The following FGFR3 variants were observed in gnomAD, a reference collection of about 807,000 sequenced individuals.
FGFR3 encodes fibroblast growth factor receptor 3.
A neutral mutation model predicts 82.9 loss-of-function variants in FGFR3; 25 were observed. That is an observed-to-expected ratio of 0.30 (90% CI 0.22 to 0.42). FGFR3 has a LOEUF of 0.42. FGFR3 is among the 10% of genes least tolerant of loss of function. The pLI is 1.00. For missense variants in FGFR3, 1,026 were observed against 1,161.0 expected, an observed-to-expected ratio of 0.88 and a Z score of 1.69; for synonymous variants, 620 against 516.0, an observed-to-expected ratio of 1.20 and a Z score of -2.73.
chr4:1,799,031 C>CA (rs1359313257), intron 2 of FGFR3, among the ~76,000 whole-genome samples: 5 of 152,174 alleles, frequency 3.3e-5, no homozygotes, highest in African/African-American at 1.2e-4. Flanking sequence ...AGGCGGCTGT[C>CA]ACACCGAGGC....
chr4:1,807,486 C>T lies in FGFR3; in HGVS notation c.*224C>T, dbSNP rs749058497. 2.0e-5 allele frequency: 15 copies of T among 737,826 alleles called. No individual in the cohort carries two copies. The highest frequency in any genetic ancestry group is 1.6e-4 in the East Asian group (6 of 37,330). 45.7% of individuals were successfully genotyped at this position (737,826 alleles called of 1,614,324 possible). On this transcript the variant is annotated 3_prime_UTR_variant, in exon 18 of 18. Transcript: ENST00000440486. ...GGTGCAGAGGTACCCTGGGTGTCCCCGCTGCTGTGCAACGGTCTCCTGACT... is the reference window on the plus strand; with the variant it reads ...GGTGCAGAGGTACCCTGGGTGTCCCTGCTGCTGTGCAACGGTCTCCTGACT...
In FGFR3 at chr4:1,805,559, A is replaced by G. The variant is rs2108803057; in HGVS notation, c.1535A>G (p.Asp512Gly). ...CACAGGCCCCCCGCTCCGTGCACAGACGATGCCACTGACAAGGACCTGTCG... is the reference window on the plus strand; with the variant it reads ...CACAGGCCCCCCGCTCCGTGCACAGGCGATGCCACTGACAAGGACCTGTCG... ...PVTVAVKMLK[D>G]DATDKDLSDL... The change falls in exon 12 of 18, where the codon GAC becomes GGC. Residue 512 changes from aspartate (D) to glycine (G), a missense_variant and splice_region_variant. This residue lies in a region of FGFR3 where 164 missense variants were observed against 167.5 expected (regional missense o/e 0.98). Transcript: ENST00000440486. 1.2e-6 allele frequency: 2 copies of G among 1,613,088 alleles called. No homozygotes were observed. The highest frequency in any genetic ancestry group is 1.7e-6 in the Non-Finnish European group (2 of 1,179,820).
In FGFR3 at chr4:1,805,433, C is replaced by T. The variant is rs2108802377; in HGVS notation, c.1491C>T (p.Asp497=). The T allele has an allele frequency of 6.2e-7, 1 of 1,611,956 alleles. No individual in the cohort carries two copies. ...CGGAGGCCATCGGCATTGACAAGGA[C>T]CGGGCCGCCAAGCCTGTCACCGTAG... The part of the protein sequence containing the change: ...VMAEAIGIDK[D]RAAKPVTVAV... The change falls in exon 11 of 18, where the codon GAC becomes GAT. Residue 497 remains aspartate, a synonymous_variant. Coordinates refer to ENST00000440486, the MANE Select transcript of FGFR3 (RefSeq NM_000142.5).
Position 1,804,940 on chromosome 4 carries a change from C to T in FGFR3, c.1383C>T (p.Ala461=), listed in dbSNP as rs929882941. The change falls in exon 10 of 18, where the codon GCC becomes GCT. Residue 461 remains alanine, a synonymous_variant. Coordinates refer to ENST00000440486, the MANE Select transcript of FGFR3 (RefSeq NM_000142.5). ...ATGTCTCCGAGCTCGAGCTGCCTGC[C>T]GACCCCAAATGGGAGCTGTCTCGGG... ...LANVSELELP[A]DPKWELSRAR... 7.1e-6 allele frequency: 11 copies of T among 1,550,064 alleles called. No individual in the cohort carries two copies. The highest frequency in any genetic ancestry group is 2.7e-5 in the African/African-American group (2 of 73,122).
intron 2 of FGFR3, among the ~76,000 whole-genome samples, chr4:1,796,629 G>C (rs3135854): frequency 0.15 from 22,376 of 152,070 alleles, 1,815 homozygotes; most frequent in Middle Eastern, 0.29. Context: ...ATGGAGCAAG[G>C]CTCCCCCATC....
intron 7 of FGFR3, chr4:1,802,975 G>T: frequency 1.2e-6 from 2 of 1,601,376 alleles, no homozygotes; most frequent in Non-Finnish European, 1.7e-6. Context: ...GTGTCGGAGC[G>T]GGACGGGGGC....
Position 1,804,414 on chromosome 4 carries a change from T to A in FGFR3, c.1160T>A (p.Ile387Asn). Residue 387 changes from isoleucine (I) to asparagine (N), a missense_variant, in exon 9 of 18, where the codon ATC becomes AAC. Physicochemically the swap from Ile to Asn is moderately radical, Grantham distance 149. Around this residue, in one of 9 missense-constraint regions of FGFR3, gnomAD observed 256 missense variants for 217.6 expected, o/e 1.18. Coordinates refer to ENST00000440486, the MANE Select transcript of FGFR3 (RefSeq NM_000142.5). ...TACGGGGTGGGCTTCTTCCTGTTCA[T>A]CCTGGTGGTGGCGGCTGTGACGCTC... ...LSYGVGFFLFILVVAAVTLCR... is the reference protein window; with the variant it reads ...LSYGVGFFLFNLVVAAVTLCR... 1 of 1,613,120 alleles carries A rather than the reference T, an allele frequency of 6.2e-7. No individual in the cohort carries two copies. The highest frequency in any genetic ancestry group is 8.5e-7 in the Non-Finnish European group (1 of 1,179,724).
intron 16 of FGFR3, 57 bp downstream of exon 16, chr4:1,806,740 C>A (rs900874769): frequency 7.7e-7 from 1 of 1,296,378 alleles, no homozygotes; most frequent in Non-Finnish European, 1.1e-6. Flanking sequence ...CCCTCCGGGG[C>A]TGGGCGGGGG....
chr4:1,806,034 T>G lies in FGFR3; in HGVS notation c.1837-17T>G. 6.2e-7 allele frequency: 1 copy of G among 1,613,094 alleles called. No individual in the cohort carries two copies. The highest frequency in any genetic ancestry group is 8.5e-7 in the Non-Finnish European group (1 of 1,179,872). On this transcript the variant is annotated splice_polypyrimidine_tract_variant and intron_variant, in intron 13 of 17. Coordinates refer to ENST00000440486, the MANE Select transcript of FGFR3 (RefSeq NM_000142.5). The stretch of plus-strand genomic sequence containing the variant: ...GAGGTGGAGAGGCTTCAGCCCTGCC[T>G]CCCACCCCTTCCCCAGTGCATCCAC...
At chr4:1,796,119 A>G (rs1157349933) in intron 2 of FGFR3, among the ~76,000 whole-genome samples, 2 of 152,200 alleles carry the variant, frequency 1.3e-5, no homozygotes, top group East Asian at 3.9e-4. Context: ...TGCAGCCCTC[A>G]CCTGAGTGAT....
At chr4:1,803,175 C>T (rs1015167234) in intron 7 of FGFR3, 18 of 1,270,850 alleles carry the variant, frequency 1.4e-5, no homozygotes, top group Middle Eastern at 2.7e-4. Flanking sequence ...CCCCGGCTCG[C>T]GCTCCACTCG....
rs533866031 is a variant in FGFR3 at position 1,799,328 on chromosome 4, C to G, written c.184C>G (p.Pro62Ala). The part of the protein sequence containing the change: ...GSGDAVELSC[P>A]PPGGGPMGPT... ...CGGGGATGCTGTGGAGCTGAGCTGT[C>G]CCCCGCCCGGGGGTGGTCCCATGGG... is the stretch of plus-strand genomic sequence containing the variant. Residue 62 changes from proline (P) to alanine (A), a missense_variant, in exon 3 of 18, where the codon CCC becomes GCC. Physicochemically the swap from Pro to Ala is conservative, Grantham distance 27 (BLOSUM62 -1). Transcript: ENST00000440486. 5.9e-5 allele frequency: 95 copies of G among 1,612,628 alleles called. No homozygotes were observed. The South Asian group carries it at 8.8e-4, about 15-fold the overall frequency.
At chr4:1,799,918 C>T (rs1450242103) in intron 4 of FGFR3, 106 bp downstream of exon 4, 5 of 1,290,808 alleles carry the variant, frequency 3.9e-6, no homozygotes, top group East Asian at 2.4e-5. Context: ...GGAACAACCT[C>T]CCTGGGGTCA....
chr4:1,796,299 G>C (rs1367489576), intron 2 of FGFR3, among the ~76,000 whole-genome samples: 1 of 152,260 alleles, frequency 6.6e-6, no homozygotes, highest in Admixed American at 6.5e-5. Flanking sequence ...AGATAACCCT[G>C]GCAAGCCCTC....
In FGFR3 at chr4:1,804,295, G is replaced by GC. The variant is rs1306848264; in HGVS notation, c.1076-35_1076-34insC. 10 of 1,556,668 alleles carry GC rather than the reference G, an allele frequency of 6.4e-6. No homozygotes were observed. In the South Asian group the frequency reaches 1.2e-4, roughly 19 times the overall value. ...TCCATGGGAGCCCCGTGGGGGGGGGGGCCAGGCCAGGCCTCAACGCCCATG... is the reference window on the plus strand; with the variant it reads ...TCCATGGGAGCCCCGTGGGGGGGGGGCGCCAGGCCAGGCCTCAACGCCCATG... On this transcript the variant is annotated intron_variant, in intron 8 of 17. Transcript: ENST00000440486.
chr4:1,806,012 G>A (rs549227679), intron 13 of FGFR3, 39 bp from the exon 14 acceptor site: 1 of 1,612,736 alleles, frequency 6.2e-7, no homozygotes, highest in Non-Finnish European at 8.5e-7. Flanking sequence ...GCGGGGAGAG[G>A]TGGAGAGGCT....
In FGFR3 at chr4:1,805,428, A is replaced by C; in HGVS notation, c.1486A>C (p.Lys496Gln). The change falls in exon 11 of 18, where the codon AAG becomes CAG. Residue 496 changes from lysine (K) to glutamine (Q), a missense_variant. By Grantham distance (53) the Lys-to-Gln change is moderately conservative. Coordinates refer to ENST00000440486, the MANE Select transcript of FGFR3 (RefSeq NM_000142.5). ...CATGGCGGAGGCCATCGGCATTGACAAGGACCGGGCCGCCAAGCCTGTCAC... is the reference window on the plus strand; with the variant it reads ...CATGGCGGAGGCCATCGGCATTGACCAGGACCGGGCCGCCAAGCCTGTCAC... ...VVMAEAIGID[K>Q]DRAAKPVTVA... The C allele has an allele frequency of 6.2e-7, 1 of 1,612,138 alleles. No homozygotes were observed. Among genetic ancestry groups the C allele is most frequent in the Non-Finnish European group, 8.5e-7 (1 of 1,179,490 alleles).
At chr4:1,799,175 C>G in intron 2 of FGFR3, 79 bp from the exon 3 acceptor site, 1 of 1,602,298 alleles carries the variant, frequency 6.2e-7, no homozygotes, top group South Asian at 1.1e-5. Flanking sequence ...CTCAGGGCCG[C>G]CGAGGCTTCC....
In FGFR3 at chr4:1,801,545, G is replaced by C. The variant is rs570332422; in HGVS notation, c.615+9G>C. Reference sequence around the variant, plus strand: ...GCATTGGAGGCATCAAGGTGGGCGCGGCGGGGTGGCTCTGGGCCTGGCAGG... The same window carrying C: ...GCATTGGAGGCATCAAGGTGGGCGCCGCGGGGTGGCTCTGGGCCTGGCAGG... On this transcript the variant is annotated intron_variant, in intron 5 of 17. Transcript: ENST00000440486. 3.8e-6 allele frequency: 6 copies of C among 1,576,600 alleles called. No individual in the cohort carries two copies. Among genetic ancestry groups the C allele is most frequent in the South Asian group, 1.1e-5 (1 of 86,980 alleles).
Sources: allele counts gnomAD v4.1 joint callset (sites outside exome capture counted in the v4.1 genomes callset), GRCh38; gene constraint gnomAD v4.1.1; regional missense constraint gnomAD v4.1.1; transcripts MANE v1.5; gene names NCBI Gene and HGNC (gene_info 2026-07-23, HGNC 2026-07-21).